PPP2R1B: variants seen among roughly 807,000 people sequenced by gnomAD.
PPP2R1B encodes serine/threonine-protein phosphatase 2A 65 kDa regulatory subunit A beta isoform.
Under a neutral mutation model 72.7 loss-of-function variants are expected in PPP2R1B, and 58 were observed. The ratio of observed to expected loss-of-function variants is 0.80; its 90% CI spans 0.65 to 0.99. PPP2R1B has a LOEUF of 0.99. PPP2R1B is among the 50% of genes least tolerant of loss of function. The probability of loss-of-function intolerance (pLI) is 0.00; values close to 1 mark genes in which losing one functional copy is unlikely to be tolerated. For missense variants in PPP2R1B, 695 were observed against 733.6 expected (o/e 0.95, Z 0.61); for synonymous variants, 256 against 264.6 (o/e 0.97, Z 0.32).
chr11:111,740,315 T>A lies in PPP2R1B; in HGVS notation c.*1281A>T. On this transcript the variant is annotated 3_prime_UTR_variant, in exon 15 of 15. Coordinates refer to ENST00000527614, the MANE Select transcript of PPP2R1B (RefSeq NM_002716.5). ...TCAGTGCAACCTCTACCTCCCAGGTTCAAGCAATTCTCCTGCCTCAGCCTC... is the reference window on the plus strand; with the variant it reads ...TCAGTGCAACCTCTACCTCCCAGGTACAAGCAATTCTCCTGCCTCAGCCTC... 1.1e-6 allele frequency: 1 copy of A among 882,042 alleles called. No homozygotes were observed. The highest frequency in any genetic ancestry group is 1.2e-4 in the East Asian group (1 of 8,244). The allele number at this position is 882,042 out of a possible 1,614,324, so 54.6% of individuals were successfully genotyped here. A position where few individuals can be genotyped will look rare whatever the true frequency, so the allele number is the denominator to read the frequency against.
At chr11:111,751,530 G>C (rs1458635272) in intron 10 of PPP2R1B, among the ~76,000 whole-genome samples, 1 of 152,134 alleles carries the variant, frequency 6.6e-6, no homozygotes, top group Non-Finnish European at 1.5e-5. Flanking sequence ...ATGCTCATTG[G>C]AGCATTCTGG....
At chr11:111,751,195 G>A (rs1555047802) in intron 10 of PPP2R1B, among the ~76,000 whole-genome samples, 1 of 151,982 alleles carries the variant, frequency 6.6e-6, no homozygotes, top group African/African-American at 2.4e-5. Flanking sequence ...CAGAATGTAG[G>A]GCAAGTGGTA....
chr11:111,705,784 C>A, the PPP2R1B span, among the ~76,000 whole-genome samples: 26 of 152,172 alleles, frequency 1.7e-4, no homozygotes, highest in Non-Finnish European at 3.1e-4. This position sits in a 1 kb window ranked among gnomAD's most constrained non-coding sequence, Gnocchi z 4.3. Context: ...TGATAAAATT[C>A]TATCGATGCT....
At chr11:111,716,433 C>A in the PPP2R1B span, among the ~76,000 whole-genome samples, 1 of 151,986 alleles carries the variant, frequency 6.6e-6, no homozygotes, top group Non-Finnish European at 1.5e-5. Context: ...AAAAATTAGC[C>A]AGGCATGGTG....
intron 8 of PPP2R1B, among the ~76,000 whole-genome samples, chr11:111,754,080 C>G (rs1313543949): frequency 6.6e-6 from 1 of 152,010 alleles, no homozygotes; most frequent in Non-Finnish European, 1.5e-5. Flanking sequence ...CCAGGCTCAA[C>G]TAATTTTTGT....
chr11:111,719,569 T>C, the PPP2R1B span, among the ~76,000 whole-genome samples: 3 of 152,202 alleles, frequency 2.0e-5, no homozygotes, highest in Non-Finnish European at 4.4e-5. Flanking sequence ...GTTTGGGTCA[T>C]CATGGGCTTC....
At chr11:111,761,545 C>T (rs1443529781) in intron 3 of PPP2R1B, among the ~76,000 whole-genome samples, 1 of 152,224 alleles carries the variant, frequency 6.6e-6, no homozygotes, top group African/African-American at 2.4e-5. Context: ...CCATCTCCAT[C>T]CCATCCTTTT....
chr11:111,760,083 A>G, intron 4 of PPP2R1B, 132 bp from the exon 5 acceptor site: 1 of 1,004,720 alleles, frequency 1.0e-6, no homozygotes, highest in Non-Finnish European at 1.4e-6. Context: ...TATAGAAGTA[A>G]CAAAAATAAA....
At chr11:111,714,818 A>C in the PPP2R1B span, among the ~76,000 whole-genome samples, 1 of 152,186 alleles carries the variant, frequency 6.6e-6, no homozygotes. Context: ...GGATGAGTCC[A>C]CTGCCTAGGG....
At chr11:111,706,777 T>A in the PPP2R1B span, among the ~76,000 whole-genome samples, 1 of 151,846 alleles carries the variant, frequency 6.6e-6, no homozygotes, top group Admixed American at 6.6e-5. Flanking sequence ...CTGGCCAACA[T>A]GGTGAAACCC....
intron 11 of PPP2R1B, among the ~76,000 whole-genome samples, chr11:111,744,537 C>G (rs1944636211): frequency 6.6e-6 from 1 of 152,178 alleles, no homozygotes; most frequent in South Asian, 2.1e-4. Flanking sequence ...ATATACAGCA[C>G]TGAACAAAAA....
At chr11:111,733,576 C>A (rs1471535717), downstream of PPP2R1B, among the ~76,000 whole-genome samples, 1 of 152,138 alleles carries the variant, frequency 6.6e-6, no homozygotes, top group Non-Finnish European at 1.5e-5. Context: ...ACAAATCAGA[C>A]CCTGAGGAGA....
chr11:111,714,472 T>C, the PPP2R1B span, among the ~76,000 whole-genome samples: 1,010 of 152,252 alleles, frequency 6.6e-3, 8 homozygotes, highest in Middle Eastern at 0.061. Flanking sequence ...TCACTGTGTG[T>C]GCCCCGGTGC....
chr11:111,703,321 C>G, the PPP2R1B span: 2 of 1,614,196 alleles, frequency 1.2e-6, no homozygotes, highest in Non-Finnish European at 1.7e-6. Context: ...GACCTGTTCT[C>G]TATCCACAAG....
the PPP2R1B span, among the ~76,000 whole-genome samples, chr11:111,689,238 A>T: frequency 6.6e-6 from 1 of 152,266 alleles, no homozygotes; most frequent in African/African-American, 2.4e-5. Flanking sequence ...CATGTCAAAG[A>T]TTTTATAGTT....
At chr11:111,701,445 T>G in the PPP2R1B span, 1 of 1,612,556 alleles carries the variant, frequency 6.2e-7, no homozygotes, top group Non-Finnish European at 8.5e-7. The surrounding 1 kb of genome is among the most constrained non-coding windows in gnomAD (Gnocchi z 4.2). Flanking sequence ...ATTGTTTTCT[T>G]CCCTAGAGTA....
chr11:111,745,812 T>G (rs897222175), intron 11 of PPP2R1B, among the ~76,000 whole-genome samples: 4 of 152,384 alleles, frequency 2.6e-5, no homozygotes, highest in African/African-American at 9.6e-5. Context: ...TTTCACAATG[T>G]TCTTTTAGTA....
rs934458332 is a variant in PPP2R1B at position 111,738,753 on chromosome 11, A to T, written c.*2843T>A. The T allele has an allele frequency of 7.1e-6, 7 of 985,444 alleles. No homozygotes were observed. The highest frequency in any genetic ancestry group is 8.4e-6 in the Non-Finnish European group (7 of 829,954). 61.0% of individuals were successfully genotyped at this position (985,444 alleles called of 1,614,324 possible). A position where few individuals can be genotyped will look rare whatever the true frequency, so the allele number is the denominator to read the frequency against. ...ATCCTCAGGTTCACATCTTCTTGGT[A>T]GCACAGAGAGAGAAACAAGACCTGG... On this transcript the variant is annotated 3_prime_UTR_variant, in exon 15 of 15. Coordinates refer to ENST00000527614, the MANE Select transcript of PPP2R1B (RefSeq NM_002716.5).
the PPP2R1B span, among the ~76,000 whole-genome samples, chr11:111,706,995 G>A: frequency 2.0e-5 from 3 of 150,918 alleles, no homozygotes; most frequent in Admixed American, 2.0e-4. Context: ...TGATACAGAT[G>A]TAAGTAAAAT....
Sources: allele counts gnomAD v4.1 joint callset (sites outside exome capture counted in the v4.1 genomes callset), GRCh38; gene constraint gnomAD v4.1.1; non-coding constraint Gnocchi (gnomAD v3.1); transcripts MANE v1.5; gene names NCBI Gene and HGNC (gene_info 2026-07-23, HGNC 2026-07-21).